Variants in CSMD1 observed in about 807,000 individuals in gnomAD.
The protein encoded by CSMD1 is CUB and Sushi multiple domains 1.
CSMD1 carries 213 observed loss-of-function variants against 417.5 expected under a neutral mutation model. That is an observed-to-expected ratio of 0.51 (90% CI 0.46 to 0.57). The LOEUF is 0.57. Ranked by LOEUF, CSMD1 falls within the 20% of genes least tolerant of loss-of-function variation. The pLI is 0.00. For missense variants in CSMD1, 6,923 were observed against 4,529.7 expected, an observed-to-expected ratio of 1.53 and a Z score of -15.17; for synonymous variants, 2,862 against 1,736.8, an observed-to-expected ratio of 1.65 and a Z score of -16.11.
At chr8:3,886,646 G>A (rs1034814060) in intron 5 of CSMD1, among the ~76,000 whole-genome samples, 2 of 152,076 alleles carry the variant, frequency 1.3e-5, no homozygotes, top group African/African-American at 4.8e-5. Flanking sequence ...GTAGTGAGAT[G>A]TATCTTCTAA....
At chr8:4,069,583 C>A (rs367743457) in intron 3 of CSMD1, among the ~76,000 whole-genome samples, 5 of 152,330 alleles carry the variant, frequency 3.3e-5, no homozygotes, top group African/African-American at 9.6e-5. Context: ...GCAGATGTAT[C>A]TTGGGCCAGT....
intron 3 of CSMD1, among the ~76,000 whole-genome samples, chr8:4,292,830 G>T (rs753949817): frequency 6.6e-6 from 1 of 152,108 alleles, no homozygotes; most frequent in African/African-American, 2.4e-5. Flanking sequence ...CTAAGAGTCA[G>T]GGTCCCTAAG....
chr8:3,942,133 C>A (rs1488259062), intron 5 of CSMD1, among the ~76,000 whole-genome samples: 3 of 151,826 alleles, frequency 2.0e-5, no homozygotes, highest in East Asian at 3.9e-4. Context: ...GAGATGGGAT[C>A]GTCACCCCCA....
chr8:4,337,151 A>G (rs1453359508), intron 3 of CSMD1, among the ~76,000 whole-genome samples: 1 of 152,094 alleles, frequency 6.6e-6, no homozygotes, highest in African/African-American at 2.4e-5. Flanking sequence ...CCCCACCTTC[A>G]TTACTACTCT....
rs999898381 is a variant in CSMD1, at chr8:4,898,037, A to G, written c.85+96295T>C. On this transcript the variant is annotated intron_variant, in intron 1 of 69. Coordinates refer to ENST00000635120, the MANE Select transcript of CSMD1 (RefSeq NM_033225.6). ...CAGACTTCAGTTTATAAAACAAGAA[A>G]ATTAAAGAAAATTTGGTTTTATTAG... is the stretch of plus-strand genomic sequence containing the variant. Among the ~76,000 whole-genome samples, 14 of 152,174 alleles carry G rather than the reference A, an allele frequency of 9.2e-5. No individual in the cohort carries two copies. The East Asian group carries it at 2.7e-3, about 29-fold the overall frequency.
In CSMD1 at chr8:4,687,715, C is replaced by A. The variant is rs568941788; in HGVS notation, c.86-50157G>T. Among the ~76,000 whole-genome samples, 492 of 152,230 alleles carry A rather than the reference C, an allele frequency of 3.2e-3. 1 individual carries two copies. Among genetic ancestry groups the A allele is most frequent in the Admixed American group, 5.7e-3 (87 of 15,284 alleles). On this transcript the variant is annotated intron_variant, in intron 1 of 69. Coordinates refer to ENST00000635120, the MANE Select transcript of CSMD1 (RefSeq NM_033225.6). Reference sequence around the variant, plus strand: ...CAAGATAGCTAAACAGAAAGAGTCACCTCCCCTTTCCACACTAGGTTCTTC... The same window carrying A: ...CAAGATAGCTAAACAGAAAGAGTCAACTCCCCTTTCCACACTAGGTTCTTC...
intron 55 of CSMD1, among the ~76,000 whole-genome samples, chr8:2,975,838 G>A (rs544928190): frequency 1.1e-4 from 17 of 152,122 alleles, no homozygotes; most frequent in Admixed American, 2.6e-4. Flanking sequence ...GACACCAAGC[G>A]GAGTGAACTG....
intron 41 of CSMD1, among the ~76,000 whole-genome samples, chr8:3,141,102 T>C (rs1818411787): frequency 6.6e-6 from 1 of 152,100 alleles, no homozygotes; most frequent in Non-Finnish European, 1.5e-5. Flanking sequence ...AGGGACATAG[T>C]GACAAATGGG....
intron 10 of CSMD1, among the ~76,000 whole-genome samples, chr8:3,548,991 A>G (rs117043868): frequency 0.012 from 1,758 of 151,906 alleles, 15 homozygotes; most frequent in Non-Finnish European, 0.018. Context: ...CTCCCAATAT[A>G]CCTGGGTTTC....
chr8:3,504,677 A>G (rs1025774428), intron 10 of CSMD1, among the ~76,000 whole-genome samples: 2 of 152,178 alleles, frequency 1.3e-5, no homozygotes, highest in African/African-American at 2.4e-5. Context: ...ATGACCTCTT[A>G]TCTTTTGAAT....
In CSMD1 at chr8:3,406,233, A is replaced by T. The variant is rs1157085781; in HGVS notation, c.2072-12T>A. On this transcript the variant is annotated splice_polypyrimidine_tract_variant and intron_variant, in intron 14 of 69. Coordinates refer to ENST00000635120, the MANE Select transcript of CSMD1 (RefSeq NM_033225.6). ...ATTCTGACCAAATGCTGAAAGAAAA[A>T]GAAGAAGAAAAAAGGAATAAAAATA... 7.7e-6 allele frequency: 12 copies of T among 1,565,046 alleles called. No individual in the cohort carries two copies. The South Asian group carries it at 1.3e-4, about 17-fold the overall frequency.
intron 11 of CSMD1, among the ~76,000 whole-genome samples, chr8:3,477,098 C>G (rs979623801): frequency 6.6e-6 from 1 of 152,268 alleles, no homozygotes; most frequent in East Asian, 1.9e-4. Context: ...ACAGAAAGTT[C>G]TACTTTACTG....
intron 3 of CSMD1, among the ~76,000 whole-genome samples, chr8:4,118,665 A>C (rs914369838): frequency 1.3e-5 from 2 of 152,182 alleles, no homozygotes; most frequent in African/African-American, 4.8e-5. Flanking sequence ...TAGTTCAACC[A>C]TTGTGGAAGA....
intron 27 of CSMD1, among the ~76,000 whole-genome samples, chr8:3,228,704 A>G (rs1798657203): frequency 6.6e-6 from 1 of 152,088 alleles, no homozygotes. Context: ...TTAATAAATT[A>G]CTTTTAAGGG....
At chr8:4,853,205 A>G (rs1189797768) in intron 1 of CSMD1, among the ~76,000 whole-genome samples, 2 of 152,190 alleles carry the variant, frequency 1.3e-5, no homozygotes, top group East Asian at 3.9e-4. Flanking sequence ...AGCCAAGACA[A>G]TGGGATAAAG....
In CSMD1 at chr8:4,396,740, G is replaced by T. The variant is rs532200499; in HGVS notation, c.415+23213C>A. 2.6e-5 allele frequency among the ~76,000 whole-genome samples: 4 copies of T among 152,190 alleles called. No homozygotes were observed. The East Asian group carries it at 7.7e-4, about 29-fold the overall frequency. ...CATGGCATTTGCAGCAACCTGGATG[G>T]AAATGGAGACAATTACTCTAAGTGA... On this transcript the variant is annotated intron_variant, in intron 3 of 69. Coordinates refer to ENST00000635120, the MANE Select transcript of CSMD1 (RefSeq NM_033225.6).
At chr8:4,027,846 C>A (rs1202148418) in intron 4 of CSMD1, among the ~76,000 whole-genome samples, 2 of 152,052 alleles carry the variant, frequency 1.3e-5, no homozygotes. Context: ...TCTACATGAT[C>A]TATTAAAAAT....
At chr8:4,891,953 C>T (rs1430797341) in intron 1 of CSMD1, among the ~76,000 whole-genome samples, 3 of 152,032 alleles carry the variant, frequency 2.0e-5, no homozygotes, top group Non-Finnish European at 4.4e-5. Flanking sequence ...AGAAGATGGC[C>T]TTTACAGACA....
chr8:3,688,010 G>T (rs956489138), intron 7 of CSMD1, among the ~76,000 whole-genome samples: 2 of 152,150 alleles, frequency 1.3e-5, no homozygotes, highest in African/African-American at 4.8e-5. Flanking sequence ...TTTTAAATCT[G>T]CAAATTTTCA....
Sources: gnomAD v4.1 joint callset for allele counts (sites outside exome capture counted in the v4.1 genomes callset) on GRCh38, gnomAD v4.1.1 for gene constraint, MANE v1.5 for transcripts, NCBI Gene and HGNC (gene_info 2026-07-23, HGNC 2026-07-21) for gene names.